The following RASGEF1C variants were observed in gnomAD, a reference collection of about 807,000 sequenced individuals.
RASGEF1C encodes RasGEF domain family member 1C.
In RASGEF1C, 27 loss-of-function variants were observed where a neutral mutation model predicts 58.1. The ratio of observed to expected loss-of-function variants is 0.46; its 90% CI spans 0.34 to 0.64. The LOEUF (loss-of-function observed/expected upper bound fraction) is 0.64, where lower values mean the gene tolerates loss of function less well. Among genes scored for constraint, RASGEF1C ranks in the 30% least tolerant of loss-of-function variants. The pLI is 0.01. For missense variants in RASGEF1C, 502 were observed against 605.1 expected, an observed-to-expected ratio of 0.83 and a Z score of 1.79; for synonymous variants, 243 against 246.3, an observed-to-expected ratio of 0.99 and a Z score of 0.13.
Position 180,137,670 on chromosome 5 carries a change from T to C in RASGEF1C, c.220A>G (p.Ile74Val). ...CGGGCCAGGAGCTCCCGGGGCTCGA[T>C]GAAGAGGCGAGAGCTCAGCAGGAAG... is the stretch of plus-strand genomic sequence containing the variant. ...FTFLLSSRLF[I>V]EPRELLARVC... is the part of the protein sequence containing the mutation. Residue 74 changes from isoleucine (I) to valine (V), a missense_variant, in exon 3 of 14, where the codon ATC (isoleucine) becomes GTC (valine). Transcript: ENST00000361132. This position sits in a 1 kb window ranked among gnomAD's most constrained non-coding sequence, Gnocchi z 4.1. The C allele has an allele frequency of 1.2e-6, 2 of 1,612,836 alleles. No individual in the cohort carries two copies. Among genetic ancestry groups the C allele is most frequent in the Non-Finnish European group, 1.7e-6 (2 of 1,179,996 alleles).
chr5:180,162,584 GC>G (rs1426570735), intron 1 of RASGEF1C, among the ~76,000 whole-genome samples: 2 of 152,220 alleles, frequency 1.3e-5, no homozygotes, highest in Non-Finnish European at 2.9e-5. Context: ...AAGCCAGACA[GC>G]CCTTCCACAT....
In RASGEF1C at chr5:180,197,978, G is replaced by A. The variant is rs968842887; in HGVS notation, c.-7+11050C>T. 5.9e-5 allele frequency among the ~76,000 whole-genome samples: 9 copies of A among 152,168 alleles called. No individual in the cohort carries two copies. The highest frequency in any genetic ancestry group is 1.4e-4 in the African/African-American group (6 of 41,444). ...CCAATTAGGATGCTGGTGTGGGTCC[G>A]GAAGGCATTGAACTGGCAACAGCGG... On this transcript the variant is annotated intron_variant, in intron 1 of 13. Coordinates refer to ENST00000361132, the MANE Select transcript of RASGEF1C (RefSeq NM_175062.4). This position sits in a 1 kb window ranked among gnomAD's most constrained non-coding sequence, Gnocchi z 4.7.
At chr5:180,150,560 T>C (rs375921987) in intron 1 of RASGEF1C, among the ~76,000 whole-genome samples, 9 of 151,558 alleles carry the variant, frequency 5.9e-5, no homozygotes, top group African/African-American at 1.9e-4. Context: ...CTGGGTGCTG[T>C]GGCTCACACC....
chr5:180,115,451 C>G (rs1036685210), intron 10 of RASGEF1C: 9 of 311,750 alleles, frequency 2.9e-5, no homozygotes, highest in Non-Finnish European at 5.8e-5. Context: ...CTGCGGGCTG[C>G]GTGCAGGCCC....
At chr5:180,141,573 C>T (rs556026224) in intron 1 of RASGEF1C, among the ~76,000 whole-genome samples, 5 of 152,124 alleles carry the variant, frequency 3.3e-5, no homozygotes, top group Non-Finnish European at 5.9e-5. Context: ...GACAGGAGAA[C>T]AGAGTGTCAC....
At chr5:180,128,184 T>G (rs1415972030) in intron 5 of RASGEF1C, among the ~76,000 whole-genome samples, 1 of 151,510 alleles carries the variant, frequency 6.6e-6, no homozygotes, top group African/African-American at 2.4e-5. Flanking sequence ...AGCAGGGAGG[T>G]CGCCATCAAC....
At chr5:180,175,353 T>A (rs1767206397) in intron 1 of RASGEF1C, among the ~76,000 whole-genome samples, 1 of 152,208 alleles carries the variant, frequency 6.6e-6, no homozygotes, top group Non-Finnish European at 1.5e-5. Flanking sequence ...TGCCCAGGCC[T>A]CGCCCCAGCT....
At position 180,137,590 on chromosome 5, in the gene RASGEF1C, CTTGTCCA is replaced by C; in HGVS notation, c.293_299del (p.Leu98ArgfsTer109). ...CCCCCTGGCCTGCCCTCCGCCTCACCTTGTCCAGCACCGGCTTGTCCAGCTGCTGCTG... is the reference window on the plus strand; with the variant it reads ...CCCCCTGGCCTGCCCTCCGCCTCACCGCACCGGCTTGTCCAGCTGCTGCTG... On this transcript the variant is annotated frameshift_variant and splice_region_variant, in exon 3 of 14. Coordinates refer to ENST00000361132, the MANE Select transcript of RASGEF1C (RefSeq NM_175062.4). LOFTEE classifies it high-confidence loss of function. This position sits in a 1 kb window ranked among gnomAD's most constrained non-coding sequence, Gnocchi z 4.1. The C allele has an allele frequency of 6.2e-7, 1 of 1,611,150 alleles. No individual in the cohort carries two copies. Among genetic ancestry groups the C allele is most frequent in the Non-Finnish European group, 8.5e-7 (1 of 1,179,504 alleles).
At chr5:180,185,053 G>A (rs558014159) in intron 1 of RASGEF1C, among the ~76,000 whole-genome samples, 1 of 152,354 alleles carries the variant, frequency 6.6e-6, no homozygotes, top group South Asian at 2.1e-4. Flanking sequence ...AGCACTTTGG[G>A]AGGCCGAGGT....
Position 180,101,395 on chromosome 5 carries a change from C to G in RASGEF1C, c.*106G>C. 7.2e-7 allele frequency: 1 copy of G among 1,393,718 alleles called. No homozygotes were observed. The highest frequency in any genetic ancestry group is 1.2e-5 in the South Asian group (1 of 83,540). 86.3% of individuals were successfully genotyped at this position (1,393,718 alleles called of 1,614,324 possible). A position where few individuals can be genotyped will look rare whatever the true frequency, so the allele number is the denominator to read the frequency against. On this transcript the variant is annotated 3_prime_UTR_variant, in exon 14 of 14. Coordinates refer to ENST00000361132, the MANE Select transcript of RASGEF1C (RefSeq NM_175062.4). ...CAGCAGGCCACAGGGTCGGCATTTG[C>G]AAAATAGTGAGGCACTCCCTGGCCT...
At chr5:180,119,930 G>A (rs1346709243) in intron 7 of RASGEF1C, among the ~76,000 whole-genome samples, 1 of 152,180 alleles carries the variant, frequency 6.6e-6, no homozygotes, top group South Asian at 2.1e-4. Context: ...AGGCGCTCGG[G>A]ACTTCAGACC....
chr5:180,173,419 G>A (rs1228353469), intron 1 of RASGEF1C, among the ~76,000 whole-genome samples: 4 of 152,214 alleles, frequency 2.6e-5, no homozygotes, highest in Non-Finnish European at 4.4e-5. Flanking sequence ...GGGACCCTGA[G>A]GTGGGGAAGG....
At chr5:180,176,194 C>A (rs945479462) in intron 1 of RASGEF1C, among the ~76,000 whole-genome samples, 1 of 152,218 alleles carries the variant, frequency 6.6e-6, no homozygotes, top group African/African-American at 2.4e-5. Context: ...GGCCTGGGCC[C>A]TGGTGGCCAT....
rs1168306096 is a variant in RASGEF1C at position 180,110,197 on chromosome 5, T to C, written c.1303+1260A>G. Among the ~76,000 whole-genome samples, 3 of 152,234 alleles carry C rather than the reference T, an allele frequency of 2.0e-5. No individual in the cohort carries two copies. In the East Asian group the frequency reaches 5.8e-4, roughly 29 times the overall value. On this transcript the variant is annotated intron_variant, in intron 12 of 13. Coordinates refer to ENST00000361132, the MANE Select transcript of RASGEF1C (RefSeq NM_175062.4). ...GCTTAGAGACGATGAGTCCTGCTCA[T>C]CGCACAGCTCGCTGGGGTGGGAGCG...
intron 1 of RASGEF1C, among the ~76,000 whole-genome samples, chr5:180,142,334 G>T (rs1766591718): frequency 6.6e-6 from 1 of 152,186 alleles, no homozygotes; most frequent in Non-Finnish European, 1.5e-5. Flanking sequence ...TGCAAGGGCA[G>T]CCCCTTACAC....
At chr5:180,135,852 C>T (rs1049086572) in intron 4 of RASGEF1C, among the ~76,000 whole-genome samples, 75 of 152,222 alleles carry the variant, frequency 4.9e-4, no homozygotes, top group Admixed American at 4.4e-3. Context: ...GCAGCTTACC[C>T]GTGGAGGCAG....
intron 1 of RASGEF1C, among the ~76,000 whole-genome samples, chr5:180,207,023 G>C (rs1037566755): frequency 3.9e-5 from 6 of 152,074 alleles, no homozygotes; most frequent in African/African-American, 1.2e-4. Flanking sequence ...TGTGTTTTAC[G>C]TATTCAAAAA....
chr5:180,132,340 G>A (rs1047740682), intron 4 of RASGEF1C, among the ~76,000 whole-genome samples: 4 of 152,236 alleles, frequency 2.6e-5, no homozygotes, highest in Non-Finnish European at 5.9e-5. Context: ...TGGCCTGGGC[G>A]GCAGCCACGG....
At chr5:180,192,374 G>C (rs1296887018) in intron 1 of RASGEF1C, among the ~76,000 whole-genome samples, 2 of 152,124 alleles carry the variant, frequency 1.3e-5, no homozygotes, top group African/African-American at 4.8e-5. Context: ...GATGAGCTCA[G>C]CGTCCTCACT....
Sources: allele counts gnomAD v4.1 joint callset (sites outside exome capture counted in the v4.1 genomes callset), GRCh38; gene constraint gnomAD v4.1.1; non-coding constraint Gnocchi (gnomAD v3.1); transcripts MANE v1.5; gene names NCBI Gene and HGNC (gene_info 2026-07-23, HGNC 2026-07-21).